GRIK2: variants seen among roughly 807,000 people sequenced by gnomAD.
The protein encoded by GRIK2 is glutamate receptor ionotropic, kainate 2.
In GRIK2, 32 loss-of-function variants were observed where a neutral mutation model predicts 100.3. The observed-to-expected ratio is 0.32, with a 90% confidence interval of 0.24 to 0.43. GRIK2 has a LOEUF of 0.43. GRIK2 is among the 20% of genes least tolerant of loss of function. The pLI is 1.00. For missense variants in GRIK2, 843 were observed against 1,114.9 expected, an observed-to-expected ratio of 0.76 and a Z score of 3.47; for synonymous variants, 417 against 389.4, an observed-to-expected ratio of 1.07 and a Z score of -0.83.
chr6:101,588,853 A>G (rs1351088972), intron 2 of GRIK2, among the ~76,000 whole-genome samples: 1 of 152,054 alleles, frequency 6.6e-6, no homozygotes, highest in Admixed American at 6.6e-5. Context: ...TTAAAAAAAG[A>G]TCATTCTAGC....
In GRIK2 at chr6:101,738,866, A is replaced by G. The variant is rs144325147; in HGVS notation, c.951+52513A>G. On this transcript the variant is annotated intron_variant, in intron 7 of 16. Coordinates refer to ENST00000369134, the MANE Select transcript of GRIK2 (RefSeq NM_021956.5). ...GAGAAGAAAGACAATAAAGAAAAATAACATAACACAATATTAGTGATGATA... is the reference window on the plus strand; with the variant it reads ...GAGAAGAAAGACAATAAAGAAAAATGACATAACACAATATTAGTGATGATA... Among the ~76,000 whole-genome samples, 493 of 152,358 alleles carry G rather than the reference A, an allele frequency of 3.2e-3. 4 individuals are homozygous for G. Among genetic ancestry groups the G allele is most frequent in the African/African-American group, 0.01 (420 of 41,584 alleles).
chr6:101,719,601 C>A (rs1774331254), intron 7 of GRIK2, among the ~76,000 whole-genome samples: 1 of 151,856 alleles, frequency 6.6e-6, no homozygotes, highest in Admixed American at 6.6e-5. Context: ...CAGTTAGATG[C>A]ACTAATGGCA....
intron 15 of GRIK2, among the ~76,000 whole-genome samples, chr6:102,044,109 T>C (rs1424531615): frequency 6.6e-6 from 1 of 151,948 alleles, no homozygotes; most frequent in Non-Finnish European, 1.5e-5. Context: ...GTATAAGAAA[T>C]TCATGAGCAA....
chr6:102,061,101 G>T (rs905345189), intron 16 of GRIK2, among the ~76,000 whole-genome samples: 12 of 150,256 alleles, frequency 8.0e-5, no homozygotes, highest in Non-Finnish European at 1.6e-4. Context: ...ACTGTACTTT[G>T]AAATGAGGTG....
intron 7 of GRIK2, among the ~76,000 whole-genome samples, chr6:101,703,866 A>G (rs980949056): frequency 1.3e-5 from 2 of 151,694 alleles, no homozygotes; most frequent in Non-Finnish European, 2.9e-5. Context: ...GTGGAAATTC[A>G]GATGCAGGTG....
chr6:101,965,824 A>T (rs1307516811), intron 14 of GRIK2, among the ~76,000 whole-genome samples: 3 of 152,088 alleles, frequency 2.0e-5, no homozygotes, highest in Non-Finnish European at 2.9e-5. Flanking sequence ...AGGGAGTATA[A>T]TAACTAATTG....
rs568652072 is a variant in GRIK2 at position 101,613,539 on chromosome 6, C to T, written c.116-8410C>T. Among the ~76,000 whole-genome samples, 9 of 151,642 alleles carry T rather than the reference C, an allele frequency of 5.9e-5. No individual in the cohort carries two copies. In the East Asian group the frequency reaches 1.7e-3, roughly 29 times the overall value. On this transcript the variant is annotated intron_variant, in intron 2 of 16. Coordinates refer to ENST00000369134, the MANE Select transcript of GRIK2 (RefSeq NM_021956.5). The stretch of plus-strand genomic sequence containing the variant: ...CCAACTGTAAGTAAAAGATATTAAT[C>T]AGGGATACTTGTAAAAAAATTTTAA...
At chr6:101,396,257 G>C (rs1036980131) in intron 1 of GRIK2, among the ~76,000 whole-genome samples, 1 of 145,698 alleles carries the variant, frequency 6.9e-6, no homozygotes, top group Non-Finnish European at 1.5e-5. Flanking sequence ...CCCCCCCCAG[G>C]AAGTGAGTGA....
In GRIK2 at chr6:101,530,826, G is replaced by A. The variant is rs996329044; in HGVS notation, c.116-91123G>A. Among the ~76,000 whole-genome samples, 3 of 151,992 alleles carry A rather than the reference G, an allele frequency of 2.0e-5. No homozygotes were observed. The South Asian group carries it at 6.2e-4, about 31-fold the overall frequency. ...CAGTAGCATCAGGAATGAAAGTGCA[G>A]CAGAGACACCATAAGTTTTTTTGGA... On this transcript the variant is annotated intron_variant, in intron 2 of 16. Coordinates refer to ENST00000369134, the MANE Select transcript of GRIK2 (RefSeq NM_021956.5).
At chr6:101,490,275 A>C (rs1773037256) in intron 2 of GRIK2, among the ~76,000 whole-genome samples, 1 of 146,988 alleles carries the variant, frequency 6.8e-6, no homozygotes, top group African/African-American at 2.6e-5. Context: ...AGGGTCCTAT[A>C]AGTGGGAATA....
At chr6:101,815,478 A>T (rs1556993) in intron 9 of GRIK2, among the ~76,000 whole-genome samples, 1 of 151,912 alleles carries the variant, frequency 6.6e-6, no homozygotes, top group African/African-American at 2.4e-5. Context: ...AATTTATTAC[A>T]CAAATCATGA....
chr6:101,619,795 T>C (rs1035708952), intron 2 of GRIK2, among the ~76,000 whole-genome samples: 4 of 152,138 alleles, frequency 2.6e-5, no homozygotes, highest in African/African-American at 9.6e-5. Context: ...TTGTATATTT[T>C]GCCTGACTGA....
intron 2 of GRIK2, among the ~76,000 whole-genome samples, chr6:101,543,688 G>C (rs1014951564): frequency 2.6e-5 from 4 of 152,158 alleles, no homozygotes; most frequent in Non-Finnish European, 4.4e-5. Flanking sequence ...CAGTCTCTCT[G>C]TGACTGGGTG....
intron 2 of GRIK2, among the ~76,000 whole-genome samples, chr6:101,467,487 A>G (rs1307107302): frequency 6.6e-6 from 1 of 152,222 alleles, no homozygotes; most frequent in Non-Finnish European, 1.5e-5. Flanking sequence ...GCCTCTATGT[A>G]GCCTGGTAAA....
chr6:102,026,490 G>T (rs1028291187), intron 14 of GRIK2, among the ~76,000 whole-genome samples: 1 of 150,916 alleles, frequency 6.6e-6, no homozygotes. Flanking sequence ...TATAAGAAAA[G>T]AAAATATTTG....
chr6:101,777,409 C>A (rs904875731), intron 7 of GRIK2, among the ~76,000 whole-genome samples: 1 of 152,144 alleles, frequency 6.6e-6, no homozygotes, highest in African/African-American at 2.4e-5. Context: ...CAAGGGAGAT[C>A]CCAAGGTCAG....
At chr6:101,544,904 C>T (rs940555492) in intron 2 of GRIK2, among the ~76,000 whole-genome samples, 1 of 152,146 alleles carries the variant, frequency 6.6e-6, no homozygotes, top group African/African-American at 2.4e-5. Context: ...GAGCTGTGCT[C>T]ATGAAATAAA....
chr6:101,481,826 C>G (rs1772547262), intron 2 of GRIK2, among the ~76,000 whole-genome samples: 1 of 152,052 alleles, frequency 6.6e-6, no homozygotes, highest in Non-Finnish European at 1.5e-5. Context: ...CAAGGGGAGG[C>G]CAGGTGGAGG....
At chr6:101,994,161 A>G (rs1698563471) in intron 14 of GRIK2, among the ~76,000 whole-genome samples, 1 of 150,886 alleles carries the variant, frequency 6.6e-6, no homozygotes, top group South Asian at 2.1e-4. Flanking sequence ...ACTTCACTCA[A>G]GCATCCTAGA....
Sources: gnomAD v4.1 joint callset for allele counts (sites outside exome capture counted in the v4.1 genomes callset) on GRCh38, gnomAD v4.1.1 for gene constraint, MANE v1.5 for transcripts, NCBI Gene and HGNC (gene_info 2026-07-23, HGNC 2026-07-21) for gene names.